ANKDD1A: variants seen among roughly 807,000 people sequenced by gnomAD.
The protein encoded by ANKDD1A is ankyrin repeat and death domain-containing protein 1A.
In ANKDD1A, 59 loss-of-function variants were observed where a neutral mutation model predicts 63.5. That is an observed-to-expected ratio of 0.93 (90% CI 0.75 to 1.15). The LOEUF is 1.15. Ranked by LOEUF, ANKDD1A falls within the 50% of genes most tolerant of loss-of-function variation. The pLI is 0.00. For synonymous variants in ANKDD1A, 266 were observed against 263.9 expected, an observed-to-expected ratio of 1.01 and a Z score of -0.08; for missense variants, 632 against 656.4, an observed-to-expected ratio of 0.96 and a Z score of 0.41.
chr15:64,921,556 G>A (rs2085006668), intron 3 of ANKDD1A, among the ~76,000 whole-genome samples: 1 of 151,956 alleles, frequency 6.6e-6, no homozygotes, highest in South Asian at 2.1e-4. Flanking sequence ...TCTATTTTTA[G>A]TAGAGACGGG....
At chr15:64,952,561 C>T (rs2085312200) in intron 14 of ANKDD1A, among the ~76,000 whole-genome samples, 1 of 121,916 alleles carries the variant, frequency 8.2e-6, no homozygotes, top group Non-Finnish European at 1.8e-5. Context: ...CTTCCTTCTC[C>T]TTCGTTCTTC....
chr15:64,952,967 CTT>C (rs1566917171), intron 14 of ANKDD1A, among the ~76,000 whole-genome samples: 9 of 15,552 alleles, frequency 5.8e-4, no homozygotes, highest in Non-Finnish European at 2.0e-3. Flanking sequence ...TCCTCTTCTT[CTT>C]TTCTTCTTGT....
At chr15:64,931,815 T>C in intron 8 of ANKDD1A, 1 of 600,280 alleles carries the variant, frequency 1.7e-6, no homozygotes, top group South Asian at 2.0e-5. Flanking sequence ...TTTACTTTTT[T>C]ACATTGTTGT....
chr15:64,920,615 A>C lies in ANKDD1A; in HGVS notation c.268-1306A>C, dbSNP rs2085001168. On this transcript the variant is annotated intron_variant, in intron 3 of 14. Transcript: ENST00000319580. Reference sequence around the variant, plus strand: ...TGCCCAGGCTGGAGTGCAGTGGTGCAATTTTGGCTCACCATAAGCTTTGCC... The same window carrying C: ...TGCCCAGGCTGGAGTGCAGTGGTGCCATTTTGGCTCACCATAAGCTTTGCC... Among the ~76,000 whole-genome samples, 4 of 150,950 alleles carry C rather than the reference A, an allele frequency of 2.6e-5. No homozygotes were observed. The South Asian group carries it at 8.4e-4, about 32-fold the overall frequency.
intron 14 of ANKDD1A, among the ~76,000 whole-genome samples, chr15:64,954,071 TCC>T (rs2085373165): frequency 5.0e-5 from 1 of 20,136 alleles, no homozygotes; most frequent in Non-Finnish European, 4.1e-4. Context: ...TCTTTCTTCT[TCC>T]TCTTTTCTTC....
At chr15:64,929,444 C>T (rs2085071604) in intron 6 of ANKDD1A, among the ~76,000 whole-genome samples, 1 of 152,178 alleles carries the variant, frequency 6.6e-6, no homozygotes, top group African/African-American at 2.4e-5. Flanking sequence ...GCTGGGATTA[C>T]AGGTGTGAGG....
At chr15:64,915,761 C>T in intron 1 of ANKDD1A, 36 bp from the exon 2 acceptor site, 1 of 1,567,146 alleles carries the variant, frequency 6.4e-7, no homozygotes. Flanking sequence ...GTGGGGCATC[C>T]TCCCCCTCAT....
chr15:64,934,184 G>A lies in ANKDD1A; in HGVS notation c.817G>A (p.Val273Met), dbSNP rs1159907412. ...TGCAGCCCTCAGTGGCTCGGAGGAT[G>A]TGTCTCGGGTCCTCATCCACGCAGG... ...HYAALSGSED[V>M]SRVLIHAGGC... The change falls in exon 9 of 15, where the codon GTG becomes ATG. Residue 273 changes from valine (V) to methionine (M), a missense_variant. Coordinates refer to ENST00000319580, the MANE Select transcript of ANKDD1A (RefSeq NM_182703.6). 2 of 1,612,266 alleles carry A rather than the reference G, an allele frequency of 1.2e-6. No homozygotes were observed. Among genetic ancestry groups the A allele is most frequent in the African/African-American group, 1.3e-5 (1 of 74,922 alleles).
chr15:64,913,364 C>T (rs1352523449), intron 1 of ANKDD1A, among the ~76,000 whole-genome samples: 13 of 152,188 alleles, frequency 8.5e-5, no homozygotes, highest in African/African-American at 2.4e-5. Flanking sequence ...CTCTCTTTGG[C>T]TACCAGAATT....
At chr15:64,930,787 G>T in intron 6 of ANKDD1A, 35 bp from the exon 7 acceptor site, 2 of 1,592,860 alleles carry the variant, frequency 1.3e-6, no homozygotes, top group Non-Finnish European at 8.5e-7. Flanking sequence ...GGACTCTCTG[G>T]TCTGCTGGCC....
intron 13 of ANKDD1A, among the ~76,000 whole-genome samples, chr15:64,949,340 G>A (rs891719452): frequency 2.0e-5 from 3 of 152,238 alleles, no homozygotes; most frequent in African/African-American, 7.2e-5. Flanking sequence ...TGGGCCCTAG[G>A]TGTTTCCAAG....
chr15:64,926,440 T>C (rs1188038491), intron 5 of ANKDD1A, among the ~76,000 whole-genome samples: 1 of 151,704 alleles, frequency 6.6e-6, no homozygotes, highest in African/African-American at 2.4e-5. Context: ...CTGGAGGAGG[T>C]GGCATTTGGT....
chr15:64,933,123 C>G (rs576283064), intron 8 of ANKDD1A, among the ~76,000 whole-genome samples: 2 of 152,170 alleles, frequency 1.3e-5, no homozygotes, highest in Non-Finnish European at 2.9e-5. Context: ...GCCACAGGGT[C>G]TCGGAGGAGG....
rs551068818 is a variant in ANKDD1A at position 64,954,924 on chromosome 15, T to C, written c.1484-2179T>C. Reference sequence around the variant, plus strand: ...TCTTCTCTTGTCTCTTCTCTCTCCTTCTTCTCCTTCTTCTTGTCTCTTCTT... The same window carrying C: ...TCTTCTCTTGTCTCTTCTCTCTCCTCCTTCTCCTTCTTCTTGTCTCTTCTT... On this transcript the variant is annotated intron_variant, in intron 14 of 14. Coordinates refer to ENST00000319580, the MANE Select transcript of ANKDD1A (RefSeq NM_182703.6). Among the ~76,000 whole-genome samples the C allele has an allele frequency of 4.3e-3, 134 of 31,072 alleles. 2 individuals carry two copies. Among genetic ancestry groups the C allele is most frequent in the South Asian group, 0.032 (39 of 1,232 alleles). The allele number at this position is 31,072 out of a possible 152,430, so 20.4% of individuals were successfully genotyped here.
chr15:64,953,673 T>C (rs1203341655), intron 14 of ANKDD1A, among the ~76,000 whole-genome samples: 1 of 76,912 alleles, frequency 1.3e-5, no homozygotes, highest in Non-Finnish European at 3.5e-5. Flanking sequence ...TTCTTCTCCT[T>C]CTTTTCTTCT....
chr15:64,949,797 A>C lies in ANKDD1A; in HGVS notation c.1352-44A>C, dbSNP rs1595857284. ...ACAGGCGCTCTGGTCAAGTGGCCCC[A>C]TTGGCTCCTTCTCCCTCTCTCTCTC... On this transcript the variant is annotated intron_variant, in intron 13 of 14. Transcript: ENST00000319580. 1.9e-6 allele frequency: 3 copies of C among 1,592,004 alleles called. No individual in the cohort carries two copies. In the East Asian group the frequency reaches 6.7e-5, roughly 36 times the overall value.
At position 64,953,615 on chromosome 15, in the gene ANKDD1A, C is replaced by CCTCTTCTTCTCCTTCTTCTTAG. The variant is rs1206540695; in HGVS notation, c.1484-3488_1484-3487insCTCTTCTTCTCCTTCTTCTTAG. 8.9e-4 allele frequency among the ~76,000 whole-genome samples: 97 copies of CCTCTTCTTCTCCTTCTTCTTAG among 108,998 alleles called. 2 individuals carry two copies. The highest frequency in any genetic ancestry group is 4.8e-3 in the East Asian group (22 of 4,538). The allele number at this position is 108,998 out of a possible 152,430, so 71.5% of individuals were successfully genotyped here. ...TTCTCCTTTTCTTCTTTCTTCTCTC[C>CCTCTTCTTCTCCTTCTTCTTAG]TTCTTCTTCTTCTTCCTTCTTCTTC... On this transcript the variant is annotated intron_variant, in intron 14 of 14. Coordinates refer to ENST00000319580, the MANE Select transcript of ANKDD1A (RefSeq NM_182703.6).
chr15:64,914,870 G>A (rs2084957790), intron 1 of ANKDD1A, among the ~76,000 whole-genome samples: 1 of 152,228 alleles, frequency 6.6e-6, no homozygotes, highest in Admixed American at 6.5e-5. Flanking sequence ...GGGGAGCTCT[G>A]AGGTTCCCTT....
Position 64,921,992 on chromosome 15 carries a change from A to C in ANKDD1A, c.339A>C (p.Ser113=), listed in dbSNP as rs769551689. 2.5e-6 allele frequency: 4 copies of C among 1,614,106 alleles called. No individual in the cohort carries two copies. In the South Asian group the frequency reaches 4.4e-5, roughly 18 times the overall value. ...HLRILQILVN[S]GAKIHCESKD... ...GAATCCTCCAGATCTTGGTAAACTC[A>C]GGGGCCAAGATCCACTGTGAGAGCA... Residue 113 remains serine (S), a synonymous_variant, in exon 4 of 15, where the codon TCA becomes TCC. Transcript: ENST00000319580.
Sources: allele counts gnomAD v4.1 joint callset (sites outside exome capture counted in the v4.1 genomes callset), GRCh38; gene constraint gnomAD v4.1.1; transcripts MANE v1.5; gene names NCBI Gene and HGNC (gene_info 2026-07-23, HGNC 2026-07-21).